Variants in EMID1 observed in about 807,000 individuals in gnomAD.
The protein encoded by EMID1 is EMI domain-containing protein 1.
A neutral mutation model predicts 60.6 loss-of-function variants in EMID1; 40 were observed. The ratio of observed to expected loss-of-function variants is 0.66; its 90% CI spans 0.51 to 0.86. EMID1 has a LOEUF of 0.86. Among genes scored for constraint, EMID1 ranks in the 40% least tolerant of loss-of-function variants. EMID1 has a pLI of 0.00. For synonymous variants in EMID1, 242 were observed against 231.0 expected (o/e 1.05, Z -0.43); for missense variants, 585 against 597.1 (o/e 0.98, Z 0.21).
At chr22:29,241,731 G>A (rs375802665) in intron 12 of EMID1, among the ~76,000 whole-genome samples, 7 of 151,352 alleles carry the variant, frequency 4.6e-5, no homozygotes, top group African/African-American at 1.7e-4. Flanking sequence ...GAACCCAGAA[G>A]TCTGTTTTGT....
chr22:29,224,280 C>T (rs988858608), intron 3 of EMID1, among the ~76,000 whole-genome samples: 16 of 152,366 alleles, frequency 1.1e-4, no homozygotes, highest in African/African-American at 3.4e-4. Flanking sequence ...GGTCTTGTCT[C>T]CTCCCAGACA....
intron 4 of EMID1, among the ~76,000 whole-genome samples, chr22:29,226,020 C>A (rs1426320795): frequency 6.6e-6 from 1 of 151,098 alleles, no homozygotes. Flanking sequence ...GGCCCCAGCC[C>A]TGCCCAGGCA....
At chr22:29,220,116 C>T (rs1325325869) in intron 3 of EMID1, among the ~76,000 whole-genome samples, 1 of 152,034 alleles carries the variant, frequency 6.6e-6, no homozygotes, top group East Asian at 1.9e-4. Context: ...ATCCCCTGAA[C>T]CTCACCCTCC....
chr22:29,217,119 G>A (rs1308844400), intron 3 of EMID1, among the ~76,000 whole-genome samples: 2 of 152,230 alleles, frequency 1.3e-5, no homozygotes, highest in Non-Finnish European at 2.9e-5. Context: ...CCTGGGCCCA[G>A]GCAGAGCCTC....
intron 13 of EMID1, chr22:29,253,853 A>C (rs1295932835): frequency 1.0e-6 from 1 of 964,262 alleles, no homozygotes; most frequent in African/African-American, 1.8e-5. Flanking sequence ...GGCGACAGAC[A>C]TTAGAGGACA....
rs895831741 is a variant in EMID1, at chr22:29,232,106, C to T, written c.677-150C>T. Reference sequence around the variant, plus strand: ...TGGAGAACTAGGTGCTGTGCTCATCCCCCTGTTAGACTACCAGGCAGCCTA... The same window carrying T: ...TGGAGAACTAGGTGCTGTGCTCATCTCCCTGTTAGACTACCAGGCAGCCTA... On this transcript the variant is annotated intron_variant, in intron 7 of 14. Transcript: ENST00000334018. 8.5e-5 allele frequency: 67 copies of T among 788,494 alleles called. 1 individual carries two copies. Among genetic ancestry groups the T allele is most frequent in the South Asian group, 4.9e-4 (29 of 58,854 alleles). 48.8% of individuals were successfully genotyped at this position (788,494 alleles called of 1,614,324 possible).
At chr22:29,226,951 T>C (rs2040536848) in intron 5 of EMID1, among the ~76,000 whole-genome samples, 1 of 152,168 alleles carries the variant, frequency 6.6e-6, no homozygotes, top group Non-Finnish European at 1.5e-5. Flanking sequence ...CCAGAGATCC[T>C]GGTAGGATCT....
At position 29,256,418 on chromosome 22, in the gene EMID1, C is replaced by T. The variant is rs181901372; in HGVS notation, c.1204+2131C>T. 3.4e-3 allele frequency among the ~76,000 whole-genome samples: 512 copies of T among 148,834 alleles called. 3 individuals are homozygous for T. The highest frequency in any genetic ancestry group is 4.3e-3 in the Non-Finnish European group (290 of 67,530). On this transcript the variant is annotated intron_variant, in intron 14 of 14. Coordinates refer to ENST00000334018, the MANE Select transcript of EMID1 (RefSeq NM_133455.4). The stretch of plus-strand genomic sequence containing the variant: ...GGCAGAGGTTGCAGTGAGCCGAGAC[C>T]GCACCACTGTACTCCAGCCTGGGTG...
At chr22:29,254,468 A>T in intron 14 of EMID1, 181 bp downstream of exon 14, 1 of 621,446 alleles carries the variant, frequency 1.6e-6, no homozygotes, top group Non-Finnish European at 2.9e-6. Context: ...TCCCTCCTCC[A>T]CGGGTGCAGG....
chr22:29,212,500 G>C (rs1269069834), intron 1 of EMID1, among the ~76,000 whole-genome samples: 1 of 151,798 alleles, frequency 6.6e-6, no homozygotes, highest in African/African-American at 2.4e-5. Context: ...CCCTGACTGT[G>C]CCGCCTATCA....
At position 29,258,908 on chromosome 22, in the gene EMID1, G is replaced by T; in HGVS notation, c.1296G>T (p.Arg432=). ...GGGGCGGACATGCAACCAACTACCG[G>T]ATCGTGGCCCCCAGGAGCCGGGACG... The part of the protein sequence containing the change: ...GKRGGHATNY[R]IVAPRSRDER... The change falls in exon 15 of 15, where the codon CGG becomes CGT. Residue 432 remains arginine (R), a synonymous_variant. Transcript: ENST00000334018. The T allele has an allele frequency of 1.2e-6, 2 of 1,613,352 alleles. No homozygotes were observed. The highest frequency in any genetic ancestry group is 1.7e-6 in the Non-Finnish European group (2 of 1,179,746).
chr22:29,232,363 G>T lies in EMID1; in HGVS notation c.784G>T (p.Ala262Ser). 1 of 1,603,064 alleles carries T rather than the reference G, an allele frequency of 6.2e-7. No homozygotes were observed. The highest frequency in any genetic ancestry group is 8.5e-7 in the Non-Finnish European group (1 of 1,176,194). ...GCCTCCTGGCCCCCCTGGGCCCCCA[G>T]CCCCTGTTGGGCCACCCCATGCCCG... ...PGPPGPPGPP[A>S]PVGPPHARIS... Residue 262 changes from alanine to serine, a missense_variant, in exon 8 of 15, where the codon GCC (alanine) becomes TCC (serine). Coordinates refer to ENST00000334018, the MANE Select transcript of EMID1 (RefSeq NM_133455.4).
intron 10 of EMID1, 109 bp downstream of exon 10, chr22:29,233,775 T>G: frequency 1.9e-6 from 2 of 1,047,390 alleles, no homozygotes; most frequent in Non-Finnish European, 2.8e-6. Context: ...TATCCATCCA[T>G]CCATTCATCC....
rs1476595056 is a variant in EMID1, at chr22:29,230,968, A to C, written c.466-52A>C. Reference sequence around the variant, plus strand: ...AAACTCCATCTCAAAAAAAATAGGGAGGGGTCCTAGTGAGACCCTGGTACC... The same window carrying C: ...AAACTCCATCTCAAAAAAAATAGGGCGGGGTCCTAGTGAGACCCTGGTACC... On this transcript the variant is annotated intron_variant, in intron 5 of 14. Transcript: ENST00000334018. The C allele has an allele frequency of 4.5e-6, 7 of 1,561,644 alleles. No individual in the cohort carries two copies. The African/African-American group carries it at 9.6e-5, about 21-fold the overall frequency.
At chr22:29,251,455 G>A (rs924546694) in intron 13 of EMID1, among the ~76,000 whole-genome samples, 5 of 151,046 alleles carry the variant, frequency 3.3e-5, no homozygotes, top group African/African-American at 1.2e-4. Flanking sequence ...TCCCACCTTG[G>A]CCACTTAAAG....
chr22:29,233,275 G>C, intron 8 of EMID1, 104 bp from the exon 9 acceptor site: 1 of 1,196,222 alleles, frequency 8.4e-7, no homozygotes, highest in Non-Finnish European at 1.2e-6. Flanking sequence ...CATGCTGCAG[G>C]CTGCCCCATA....
At chr22:29,255,197 C>A in intron 14 of EMID1, 1 of 535,056 alleles carries the variant, frequency 1.9e-6, no homozygotes, top group Non-Finnish European at 3.2e-6. Context: ...CCCTCCCACC[C>A]TCCCCGCTTG....
chr22:29,223,314 G>C (rs1042785309), intron 3 of EMID1, among the ~76,000 whole-genome samples: 5 of 152,250 alleles, frequency 3.3e-5, no homozygotes, highest in Admixed American at 2.6e-4. Flanking sequence ...GCAGAGTAGA[G>C]GGGAGGGCAG....
Position 29,254,660 on chromosome 22 carries a change from C to A in EMID1, c.1204+373C>A, listed in dbSNP as rs189694736. On this transcript the variant is annotated intron_variant, in intron 14 of 14. Transcript: ENST00000334018. ...GGATTGTGGGTAACAGAGCCAGACT[C>A]CTGGAGTGCAAGGAACCATGGGGAA... 2.1e-3 allele frequency: 528 copies of A among 252,968 alleles called. 4 individuals carry two copies. Among genetic ancestry groups the A allele is most frequent in the African/African-American group, 0.011 (492 of 44,786 alleles). 15.7% of individuals were successfully genotyped at this position (252,968 alleles called of 1,614,324 possible).
Sources: allele counts gnomAD v4.1 joint callset (sites outside exome capture counted in the v4.1 genomes callset), GRCh38; gene constraint gnomAD v4.1.1; transcripts MANE v1.5; gene names NCBI Gene and HGNC (gene_info 2026-07-23, HGNC 2026-07-21).